WWOX: variants seen among roughly 807,000 people sequenced by gnomAD.
The protein encoded by WWOX is WW domain containing oxidoreductase.
In WWOX, 69 loss-of-function variants were observed where a neutral mutation model predicts 46.2. That is an observed-to-expected ratio of 1.49 (90% CI 1.23 to 1.82). The LOEUF is 1.82. WWOX is among the 40% of genes most tolerant of loss of function. The probability of loss-of-function intolerance (pLI) is 0.00; values close to 1 mark genes in which losing one functional copy is unlikely to be tolerated. For missense variants in WWOX, 919 were observed against 542.6 expected (o/e 1.69, Z -6.89); for synonymous variants, 359 against 202.6 (o/e 1.77, Z -6.56).
At chr16:78,881,202 C>A (rs1001555975) in intron 8 of WWOX, among the ~76,000 whole-genome samples, 5 of 151,866 alleles carry the variant, frequency 3.3e-5, no homozygotes, top group Admixed American at 1.3e-4. Context: ...GGGATTTTGC[C>A]ATGTTGCCCA....
At chr16:79,201,209 C>T (rs1371443471) in intron 8 of WWOX, among the ~76,000 whole-genome samples, 2 of 152,156 alleles carry the variant, frequency 1.3e-5, no homozygotes, top group African/African-American at 2.4e-5. Context: ...TGCAAAAATA[C>T]CTGGATCTAT....
chr16:78,882,145 T>A (rs2044355913), intron 8 of WWOX, among the ~76,000 whole-genome samples: 1 of 152,116 alleles, frequency 6.6e-6, no homozygotes, highest in Non-Finnish European at 1.5e-5. Flanking sequence ...AACAAAGAAC[T>A]GACAATAAAT....
At chr16:78,769,481 A>C (rs2050010054) in intron 8 of WWOX, among the ~76,000 whole-genome samples, 2 of 152,044 alleles carry the variant, frequency 1.3e-5, no homozygotes, top group Non-Finnish European at 2.9e-5. Flanking sequence ...TGACAGATGG[A>C]GATAAAATGG....
chr16:78,496,975 A>C (rs1187388185), intron 8 of WWOX, among the ~76,000 whole-genome samples: 2 of 152,218 alleles, frequency 1.3e-5, no homozygotes, highest in African/African-American at 2.4e-5. Context: ...AAATCAAGGG[A>C]GTTAACTATG....
At chr16:79,014,374 C>T (rs900882911) in intron 8 of WWOX, among the ~76,000 whole-genome samples, 2 of 152,130 alleles carry the variant, frequency 1.3e-5, no homozygotes. Context: ...TTTCTATTGT[C>T]CCCGAATGGA....
chr16:78,812,856 T>C (rs2051227109), intron 8 of WWOX, among the ~76,000 whole-genome samples: 5 of 152,222 alleles, frequency 3.3e-5, no homozygotes, highest in Admixed American at 2.6e-4. Context: ...TATTTTCCCC[T>C]GTCTTATTTT....
At chr16:78,860,576 T>A (rs1192192221) in intron 8 of WWOX, among the ~76,000 whole-genome samples, 2 of 152,132 alleles carry the variant, frequency 1.3e-5, no homozygotes, top group Admixed American at 6.5e-5. Context: ...AAAAGAAAAG[T>A]CCCTATCCTG....
At chr16:78,736,493 C>G (rs1199039665) in intron 8 of WWOX, among the ~76,000 whole-genome samples, 1 of 152,210 alleles carries the variant, frequency 6.6e-6, no homozygotes, top group Non-Finnish European at 1.5e-5. Flanking sequence ...GTCTCAAAGT[C>G]TCACATGTGA....
At chr16:79,208,914 A>T (rs2051615540) in intron 8 of WWOX, among the ~76,000 whole-genome samples, 1 of 152,218 alleles carries the variant, frequency 6.6e-6, no homozygotes, top group African/African-American at 2.4e-5. Context: ...TTGTCCAGCA[A>T]GGGAGGAAAG....
In WWOX at chr16:78,492,373, C is replaced by G. The variant is rs572941537; in HGVS notation, c.1056+59621C>G. 2.0e-5 allele frequency among the ~76,000 whole-genome samples: 3 copies of G among 152,354 alleles called. No homozygotes were observed. In the South Asian group the frequency reaches 6.2e-4, roughly 32 times the overall value. ...ATGACATCGTCCACTGGAGGGACCA[C>G]ATTTGTGACTCTAGCAATTAAGCCT... is the stretch of plus-strand genomic sequence containing the variant. On this transcript the variant is annotated intron_variant, in intron 8 of 8. Transcript: ENST00000566780.
intron 8 of WWOX, among the ~76,000 whole-genome samples, chr16:78,560,812 C>T (rs1807220196): frequency 6.6e-6 from 1 of 152,008 alleles, no homozygotes; most frequent in South Asian, 2.1e-4. Flanking sequence ...AAGAAATGAA[C>T]AGGAGAAAAT....
chr16:78,989,875 A>G (rs12444843), intron 8 of WWOX, among the ~76,000 whole-genome samples: 18,976 of 150,554 alleles, frequency 0.13, 1,371 homozygotes, highest in East Asian at 0.2. Context: ...AGAGAGAGAC[A>G]GATGGAGGGA....
At chr16:78,886,736 C>T (rs989774527) in intron 8 of WWOX, among the ~76,000 whole-genome samples, 4 of 151,092 alleles carry the variant, frequency 2.6e-5, no homozygotes, top group Non-Finnish European at 5.9e-5. Flanking sequence ...CTAAAAGAAA[C>T]TGCAGAGGCA....
At chr16:78,230,953 T>C (rs1435617396) in intron 5 of WWOX, among the ~76,000 whole-genome samples, 5 of 152,252 alleles carry the variant, frequency 3.3e-5, no homozygotes, top group Admixed American at 6.5e-5. Context: ...TTTGAGGCAA[T>C]GGATTTAACA....
At chr16:78,632,097 G>A (rs1050646649) in intron 8 of WWOX, among the ~76,000 whole-genome samples, 2 of 152,074 alleles carry the variant, frequency 1.3e-5, no homozygotes, top group Admixed American at 1.3e-4. Flanking sequence ...TAGCAAATTC[G>A]CAAGGAGCTG....
chr16:79,139,102 G>A (rs1031895839), intron 8 of WWOX, among the ~76,000 whole-genome samples: 1 of 152,036 alleles, frequency 6.6e-6, no homozygotes, highest in African/African-American at 2.4e-5. Flanking sequence ...CAGCTTCCCC[G>A]GCCCCATTCC....
At chr16:78,744,740 C>T (rs912362716) in intron 8 of WWOX, among the ~76,000 whole-genome samples, 1 of 152,028 alleles carries the variant, frequency 6.6e-6, no homozygotes, top group Admixed American at 6.6e-5. Context: ...CTATTACCAG[C>T]CTGCACTGCA....
intron 8 of WWOX, among the ~76,000 whole-genome samples, chr16:79,029,312 G>T (rs2047707780): frequency 6.6e-6 from 1 of 152,218 alleles, no homozygotes; most frequent in African/African-American, 2.4e-5. Flanking sequence ...GCATGGGGAA[G>T]AGACGCACAT....
At chr16:78,316,402 G>A (rs1360697854) in intron 5 of WWOX, among the ~76,000 whole-genome samples, 8 of 152,108 alleles carry the variant, frequency 5.3e-5, no homozygotes, top group South Asian at 2.1e-4. Context: ...GTGCAATGGC[G>A]TGATCTTGGC....
Sources: allele counts gnomAD v4.1 joint callset (sites outside exome capture counted in the v4.1 genomes callset), GRCh38; gene constraint gnomAD v4.1.1; transcripts MANE v1.5; gene names NCBI Gene and HGNC (gene_info 2026-07-23, HGNC 2026-07-21).